AK8: variants seen among roughly 807,000 people sequenced by gnomAD.
The protein encoded by AK8 is adenylate kinase 8, also known as ATP-AMP transphosphorylase 8.
AK8 carries 44 observed loss-of-function variants against 54.6 expected under a neutral mutation model. The observed-to-expected ratio is 0.81, with a 90% confidence interval of 0.63 to 1.04. The LOEUF is 1.04. Ranked by LOEUF, AK8 falls within the 50% of genes least tolerant of loss-of-function variation. The pLI is 0.00. For synonymous variants in AK8, 239 were observed against 245.6 expected (o/e 0.97, Z 0.25); for missense variants, 555 against 613.6 (o/e 0.90, Z 1.01).
At position 132,854,847 on chromosome 9, in the gene AK8, G is replaced by A; in HGVS notation, c.402+10C>T. ...TTGGCACTGAAACCCCTAGCTCACT[G>A]GAGTCTTACCTGCTTGATGCAATCC... On this transcript the variant is annotated intron_variant, in intron 5 of 12. Transcript: ENST00000298545. The A allele has an allele frequency of 6.2e-7, 1 of 1,613,958 alleles. No individual in the cohort carries two copies. Among genetic ancestry groups the A allele is most frequent in the Non-Finnish European group, 8.5e-7 (1 of 1,179,980 alleles).
chr9:132,850,776 C>T (rs970327373), intron 5 of AK8, among the ~76,000 whole-genome samples: 5 of 151,978 alleles, frequency 3.3e-5, no homozygotes, highest in Admixed American at 3.3e-4. Context: ...TCAAGCAATC[C>T]TCCTGCCTTG....
chr9:132,789,594 T>TCA lies in AK8; in HGVS notation c.1121+3038_1121+3039dup, dbSNP rs1839858385. Among the ~76,000 whole-genome samples, 3 of 32,270 alleles carry TCA rather than the reference T, an allele frequency of 9.3e-5. No homozygotes were observed. The East Asian group carries it at 3.9e-3, about 42-fold the overall frequency. 21.2% of individuals were successfully genotyped at this position (32,270 alleles called of 152,430 possible). A position where few individuals can be genotyped will look rare whatever the true frequency, so the allele number is the denominator to read the frequency against. On this transcript the variant is annotated intron_variant, in intron 11 of 12. Transcript: ENST00000298545. ...CCTGGGCGACAGAGTGATACTCATC[T>TCA]CACAAAAAAAAAAAAAAAAAAAAAA...
At chr9:132,867,615 C>A (rs931966849) in intron 2 of AK8, among the ~76,000 whole-genome samples, 1 of 152,214 alleles carries the variant, frequency 6.6e-6, no homozygotes, top group Non-Finnish European at 1.5e-5. Flanking sequence ...TGGGCTCACC[C>A]GGCAGGTGAA....
intron 2 of AK8, among the ~76,000 whole-genome samples, chr9:132,871,453 T>C (rs1564449480): frequency 6.6e-6 from 1 of 152,096 alleles, no homozygotes; most frequent in South Asian, 2.1e-4. Context: ...CTAATATCCA[T>C]AAAAGCTGCC....
upstream of AK8, chr9:132,878,563 G>C (rs1405769777): frequency 1.2e-5 from 14 of 1,147,676 alleles, no homozygotes; most frequent in African/African-American, 2.1e-4. The surrounding 1 kb of genome is among the most constrained non-coding windows in gnomAD (Gnocchi z 4.7). Flanking sequence ...GAAGGGGCAA[G>C]TCGGCCCTCC....
intron 11 of AK8, among the ~76,000 whole-genome samples, chr9:132,749,983 A>AGAGATACTGACAGCACACTCCTG (rs1564381083): frequency 2.3e-4 from 34 of 148,472 alleles, no homozygotes; most frequent in African/African-American, 3.8e-4. Flanking sequence ...GCACACTCCT[A>AGAGATACTGACAGCACACTCCTG]GAGATACTGA....
intron 11 of AK8, among the ~76,000 whole-genome samples, chr9:132,739,721 C>T (rs533378934): frequency 1.3e-5 from 2 of 152,240 alleles, no homozygotes; most frequent in South Asian, 2.1e-4. Context: ...CAGTGAGACC[C>T]TCTCACTAAA....
At chr9:132,728,052 A>T (rs1446084167) in intron 11 of AK8, among the ~76,000 whole-genome samples, 1 of 152,076 alleles carries the variant, frequency 6.6e-6, no homozygotes, top group Non-Finnish European at 1.5e-5. Flanking sequence ...GGTTACCTCT[A>T]TACATTAGAT....
chr9:132,851,693 G>A (rs369385500), intron 5 of AK8, among the ~76,000 whole-genome samples: 4 of 152,304 alleles, frequency 2.6e-5, no homozygotes, highest in East Asian at 1.9e-4. Flanking sequence ...GTCACTGCAC[G>A]GCACTGCAAA....
Position 132,792,724 on chromosome 9 carries a change from T to C in AK8, c.1031A>G (p.Asp344Gly). 1.9e-6 allele frequency: 3 copies of C among 1,557,706 alleles called. No homozygotes were observed. Among genetic ancestry groups the C allele is most frequent in the East Asian group, 2.4e-5 (1 of 41,576 alleles). The change falls in exon 11 of 13, where the codon GAC (aspartate) becomes GGC (glycine). Residue 344 changes from aspartate to glycine, a missense_variant. By Grantham distance (94) the Asp-to-Gly change is moderately conservative. Transcript: ENST00000298545. The stretch of plus-strand genomic sequence containing the variant: ...TAGCACCCAGCCTTTCTGGATGCAG[T>C]CCTGCTGGTCCAGGCGCTGGCTCAG... ...KVLSQRLDQQ[D>G]CIQKGWVLHG... is the part of the protein sequence containing the mutation.
At chr9:132,733,875 C>G (rs1054670011) in intron 11 of AK8, among the ~76,000 whole-genome samples, 7 of 152,142 alleles carry the variant, frequency 4.6e-5, no homozygotes, top group Non-Finnish European at 7.4e-5. Flanking sequence ...TGGCCAGGGG[C>G]GGGCACTCTA....
intron 1 of AK8, among the ~76,000 whole-genome samples, chr9:132,875,534 C>T (rs1020662101): frequency 6.6e-6 from 1 of 152,244 alleles, no homozygotes; most frequent in Non-Finnish European, 1.5e-5. Context: ...CACCATTCCC[C>T]TCAGAGCCTT....
chr9:132,863,868 T>C, intron 3 of AK8, 90 bp from the exon 4 acceptor site: 1 of 1,025,976 alleles, frequency 9.7e-7, no homozygotes, highest in Non-Finnish European at 1.4e-6. Context: ...TTCCCTCTCC[T>C]ATGGGAAAAG....
At chr9:132,859,642 T>G (rs1843307730) in intron 4 of AK8, among the ~76,000 whole-genome samples, 1 of 130,992 alleles carries the variant, frequency 7.6e-6, no homozygotes, top group East Asian at 2.4e-4. Context: ...GTCCCCCTCC[T>G]TCCCCGTCTC....
chr9:132,843,601 A>G (rs1842627988), intron 5 of AK8, among the ~76,000 whole-genome samples: 1 of 152,178 alleles, frequency 6.6e-6, no homozygotes, highest in Non-Finnish European at 1.5e-5. Flanking sequence ...GAGTGGGTAG[A>G]TGAGAGAAGT....
intron 11 of AK8, among the ~76,000 whole-genome samples, chr9:132,746,902 A>G (rs939642345): frequency 1.3e-5 from 2 of 152,248 alleles, no homozygotes; most frequent in Middle Eastern, 3.2e-3. Context: ...TGAAGTATCA[A>G]TTAGTAGTCA....
chr9:132,785,530 C>T (rs934066496), intron 11 of AK8, among the ~76,000 whole-genome samples: 2 of 152,104 alleles, frequency 1.3e-5, no homozygotes, highest in African/African-American at 2.4e-5. Flanking sequence ...TCTAAATTAA[C>T]GGAAGTGGGG....
chr9:132,828,664 C>T lies in AK8; in HGVS notation c.465G>A (p.Gly155=). Residue 155 remains glycine (G), a synonymous_variant, in exon 6 of 13, where the codon GGG becomes GGA. Transcript: ENST00000298545. ...REQALRIQTL[G]ITPRHVIVLS... ...ACTCACTGACGTGTCTGGGTGTGAT[C>T]CCCAGGGTCTGGATCCTCAGAGCCT... 2 of 1,612,308 alleles carry T rather than the reference C, an allele frequency of 1.2e-6. No homozygotes were observed. The highest frequency in any genetic ancestry group is 1.7e-6 in the Non-Finnish European group (2 of 1,179,244).
intron 12 of AK8, 83 bp downstream of exon 12, chr9:132,727,371 T>C: frequency 1.5e-6 from 2 of 1,301,916 alleles, no homozygotes; most frequent in Admixed American, 3.4e-5. Flanking sequence ...CCCTGCAGTG[T>C]TTCCACCATG....
Sources: allele counts gnomAD v4.1 joint callset (sites outside exome capture counted in the v4.1 genomes callset), GRCh38; gene constraint gnomAD v4.1.1; non-coding constraint Gnocchi (gnomAD v3.1); transcripts MANE v1.5; gene names NCBI Gene and HGNC (gene_info 2026-07-23, HGNC 2026-07-21).